RAD54B: variants seen among roughly 807,000 people sequenced by gnomAD.
RAD54B encodes the protein DNA repair and recombination protein RAD54B.
RAD54B carries 78 observed loss-of-function variants against 95.8 expected under a neutral mutation model. The ratio of observed to expected loss-of-function variants is 0.81; its 90% CI spans 0.68 to 0.98. The LOEUF (loss-of-function observed/expected upper bound fraction) is 0.98, where lower values mean the gene tolerates loss of function less well. Ranked by LOEUF, RAD54B falls within the 50% of genes least tolerant of loss-of-function variation. The pLI, the probability that RAD54B is intolerant of heterozygous loss-of-function variation, is 0.00. For missense variants in RAD54B, 957 were observed against 1,056.6 expected (o/e 0.91, Z 1.31); for synonymous variants, 328 against 354.9 (o/e 0.92, Z 0.85).
Position 94,418,955 on chromosome 8 carries a change from A to G in RAD54B, c.305-7640T>C, listed in dbSNP as rs150687756. ...ATATCTCCTTAATGCTGCAATTTGA[A>G]TTTGATTAGTGATAGGATATTTTTA... On this transcript the variant is annotated intron_variant, in intron 3 of 14. Transcript: ENST00000336148. 3.6e-3 allele frequency among the ~76,000 whole-genome samples: 546 copies of G among 152,264 alleles called. 2 individuals are homozygous for G. Among genetic ancestry groups the G allele is most frequent in the African/African-American group, 0.012 (510 of 41,562 alleles).
chr8:94,444,789 T>G (rs1406530742), intron 3 of RAD54B, among the ~76,000 whole-genome samples: 1 of 150,240 alleles, frequency 6.7e-6, no homozygotes, highest in African/African-American at 2.5e-5. Flanking sequence ...TAAGAAGAGT[T>G]TACAATTGTA....
intron 3 of RAD54B, among the ~76,000 whole-genome samples, chr8:94,422,428 A>C (rs1342327739): frequency 4.0e-5 from 6 of 150,264 alleles, no homozygotes; most frequent in African/African-American, 1.5e-4. Flanking sequence ...CTCTACTAAA[A>C]ATACAAAAAT....
intron 5 of RAD54B, 128 bp from the exon 6 acceptor site, chr8:94,404,367 C>A (rs1811335349): frequency 1.2e-6 from 1 of 817,206 alleles, no homozygotes; most frequent in Non-Finnish European, 1.8e-6. Context: ...AAAATTTAGT[C>A]ACAGTAATGT....
chr8:94,380,082 C>T, intron 12 of RAD54B, 63 bp downstream of exon 12: 1 of 1,483,150 alleles, frequency 6.7e-7, no homozygotes, highest in Non-Finnish European at 9.1e-7. Context: ...ATCTTTGTAT[C>T]CTCAATAGGC....
intron 3 of RAD54B, among the ~76,000 whole-genome samples, chr8:94,451,465 A>G (rs910855141): frequency 2.6e-5 from 4 of 152,212 alleles, no homozygotes; most frequent in Admixed American, 6.5e-5. Context: ...GAAAACTAAC[A>G]TTTGGCAACA....
intron 8 of RAD54B, 74 bp downstream of exon 8, chr8:94,399,340 T>G: frequency 8.7e-7 from 1 of 1,151,560 alleles, no homozygotes; most frequent in Non-Finnish European, 1.3e-6. Context: ...ATTTGAATGT[T>G]AAGCATCATA....
chr8:94,374,819 A>T (rs2129938364), intron 14 of RAD54B, among the ~76,000 whole-genome samples: 1 of 152,348 alleles, frequency 6.6e-6, no homozygotes, highest in African/African-American at 2.4e-5. Flanking sequence ...TATTTATTTG[A>T]ATAATAGATA....
At chr8:94,373,667 C>A (rs776274852) in intron 14 of RAD54B, among the ~76,000 whole-genome samples, 11 of 152,174 alleles carry the variant, frequency 7.2e-5, no homozygotes, top group Non-Finnish European at 1.0e-4. Context: ...TTGTGTTAGA[C>A]CATTGTGCTT....
intron 8 of RAD54B, among the ~76,000 whole-genome samples, chr8:94,399,184 C>T (rs1811210212): frequency 6.6e-6 from 1 of 152,118 alleles, no homozygotes; most frequent in Non-Finnish European, 1.5e-5. Context: ...TCCTAAATTC[C>T]TTATCATGAT....
chr8:94,443,241 G>A (rs1812442201), intron 3 of RAD54B, among the ~76,000 whole-genome samples: 1 of 152,264 alleles, frequency 6.6e-6, no homozygotes, highest in African/African-American at 2.4e-5. Context: ...AATATCGCAT[G>A]TTCTCACTTA....
At chr8:94,448,057 T>C (rs916635640) in intron 3 of RAD54B, among the ~76,000 whole-genome samples, 1 of 152,232 alleles carries the variant, frequency 6.6e-6, no homozygotes, top group Non-Finnish European at 1.5e-5. Context: ...CCCTTGTGTT[T>C]TCTTCTTTGC....
At chr8:94,441,878 G>C (rs74665808) in intron 3 of RAD54B, among the ~76,000 whole-genome samples, 4 of 152,112 alleles carry the variant, frequency 2.6e-5, no homozygotes, top group African/African-American at 9.7e-5. Flanking sequence ...CCAGGGAAAC[G>C]GGGTCAAAGG....
intron 3 of RAD54B, among the ~76,000 whole-genome samples, chr8:94,434,199 T>C (rs1013536346): frequency 2.0e-5 from 3 of 152,040 alleles, no homozygotes; most frequent in South Asian, 4.1e-4. Flanking sequence ...TAAAACCACA[T>C]AATTACTATT....
chr8:94,402,120 TTTG>T (rs1586138561), intron 6 of RAD54B, among the ~76,000 whole-genome samples: 1 of 152,334 alleles, frequency 6.6e-6, no homozygotes, highest in East Asian at 1.9e-4. Flanking sequence ...ACCATCACGA[TTTG>T]TTGTCATATC....
At position 94,391,728 on chromosome 8, in the gene RAD54B, T is replaced by G; in HGVS notation, c.1690A>C (p.Asn564His). The G allele has an allele frequency of 1.9e-6, 3 of 1,614,054 alleles. No individual in the cohort carries two copies. Among genetic ancestry groups the G allele is most frequent in the Non-Finnish European group, 2.5e-6 (3 of 1,180,020 alleles). ...AGGCAGAACCTGACAACCTGAGAAT[T>G]TAACAGCTTTCGATAAAGCTCAATC... ...LQIELYRKLL[N>H]SQVVRFCLQG... The change falls in exon 10 of 15, where the codon AAT (asparagine) becomes CAT (histidine). Residue 564 changes from asparagine to histidine, a missense_variant. Asn to His is a moderately conservative substitution (Grantham distance 68). Transcript: ENST00000336148.
chr8:94,449,275 T>C (rs1336514511), intron 3 of RAD54B, among the ~76,000 whole-genome samples: 1 of 151,694 alleles, frequency 6.6e-6, no homozygotes, highest in Non-Finnish European at 1.5e-5. Flanking sequence ...ATCAGGTTGT[T>C]GCCTCTTCCC....
At chr8:94,438,934 ATACAAAAAT>A (rs1300489155) in intron 3 of RAD54B, among the ~76,000 whole-genome samples, 4 of 152,178 alleles carry the variant, frequency 2.6e-5, no homozygotes, top group Non-Finnish European at 2.9e-5. Flanking sequence ...TCTACAAAAA[ATACAAAAAT>A]TAGCCAGGTG....
intron 3 of RAD54B, among the ~76,000 whole-genome samples, chr8:94,419,481 C>A (rs1811751587): frequency 6.6e-6 from 1 of 151,942 alleles, no homozygotes; most frequent in Non-Finnish European, 1.5e-5. Flanking sequence ...GCACTCTAGC[C>A]TGGGCAACAA....
At chr8:94,429,150 T>C (rs1406241006) in intron 3 of RAD54B, 2 of 974,554 alleles carry the variant, frequency 2.1e-6, no homozygotes, top group African/African-American at 1.8e-5. Flanking sequence ...TTTAAAAATA[T>C]GTAAAAATAG....
Sources: gnomAD v4.1 joint callset for allele counts (sites outside exome capture counted in the v4.1 genomes callset) on GRCh38, gnomAD v4.1.1 for gene constraint, MANE v1.5 for transcripts, NCBI Gene and HGNC (gene_info 2026-07-23, HGNC 2026-07-21) for gene names.